The following MYO16 variants were observed in gnomAD, a reference collection of about 807,000 sequenced individuals.
The protein encoded by MYO16 is myosin XVI, also known as unconventional myosin-XVI.
Under a neutral mutation model 205.3 loss-of-function variants are expected in MYO16, and 94 were observed. The observed-to-expected ratio is 0.46, with a 90% CI of 0.39 to 0.54. The LOEUF (loss-of-function observed/expected upper bound fraction) is 0.54, where lower values mean the gene tolerates loss of function less well. Ranked by LOEUF, MYO16 falls within the 20% of genes least tolerant of loss-of-function variation. The probability of loss-of-function intolerance (pLI) is 0.00; values close to 1 mark genes in which losing one functional copy is unlikely to be tolerated. For synonymous variants in MYO16, 988 were observed against 954.0 expected, an observed-to-expected ratio of 1.04 and a Z score of -0.66; for missense variants, 2,315 against 2,387.5, an observed-to-expected ratio of 0.97 and a Z score of 0.63.
chr13:108,999,090 T>A (rs1185624174), intron 21 of MYO16, among the ~76,000 whole-genome samples: 1 of 152,198 alleles, frequency 6.6e-6, no homozygotes, highest in Non-Finnish European at 1.5e-5. Context: ...GGAAAAGGAC[T>A]GGGGATGTTT....
intron 15 of MYO16, among the ~76,000 whole-genome samples, chr13:108,906,603 C>G (rs765209887): frequency 6.6e-6 from 1 of 152,242 alleles, no homozygotes; most frequent in Admixed American, 6.5e-5. Context: ...GAGCAGCATC[C>G]TTTATTGCAA....
intron 1 of MYO16, among the ~76,000 whole-genome samples, chr13:108,652,568 G>C (rs79002059): frequency 0.059 from 8,952 of 152,102 alleles, 614 homozygotes; most frequent in East Asian, 0.18. Context: ...CTCTCATCTT[G>C]CCTCAGTCCC....
rs1250297999 is a variant in MYO16, at chr13:108,866,213, T to C, written c.1396T>C (p.Tyr466His). 1.2e-6 allele frequency: 2 copies of C among 1,603,664 alleles called. No individual in the cohort carries two copies. Among genetic ancestry groups the C allele is most frequent in the African/African-American group, 1.3e-5 (1 of 74,764 alleles). ...IGDILLLVNPYKELPIYSSMV... is the reference protein window; with the variant it reads ...IGDILLLVNPHKELPIYSSMV... ...AGACATTCTTTTGCTTGTTAACCCA[T>C]ACAAGGAGCTTCCAATTTATTCTTC... Residue 466 changes from tyrosine (Y) to histidine (H), a missense_variant, in exon 12 of 35, where the codon TAC (tyrosine) becomes CAC (histidine). Tyr to His is a moderately conservative substitution (Grantham distance 83). Coordinates refer to ENST00000457511, the MANE Select transcript of MYO16 (RefSeq NM_001198950.3).
chr13:109,193,325 C>G (rs1382866774), intron 34 of MYO16, among the ~76,000 whole-genome samples: 1 of 152,134 alleles, frequency 6.6e-6, no homozygotes, highest in Admixed American at 6.5e-5. Context: ...ATTAATGATA[C>G]AGAAGTGCCT....
the MYO16 span, among the ~76,000 whole-genome samples, chr13:108,509,497 T>C: frequency 1.3e-5 from 2 of 152,144 alleles, no homozygotes; most frequent in Admixed American, 6.5e-5. Flanking sequence ...TATGAGAATA[T>C]ACAAGTTAGC....
intron 2 of MYO16, among the ~76,000 whole-genome samples, chr13:108,673,977 C>T (rs1594197940): frequency 1.3e-5 from 2 of 152,288 alleles, no homozygotes; most frequent in South Asian, 2.1e-4. Context: ...TTTACCTCTT[C>T]TGAATAATCT....
chr13:108,785,309 A>G (rs1886423943), intron 4 of MYO16, among the ~76,000 whole-genome samples: 1 of 152,108 alleles, frequency 6.6e-6, no homozygotes, highest in South Asian at 2.1e-4. Flanking sequence ...ATTAGAAACA[A>G]GACAGGATAT....
chr13:108,690,459 A>G lies in MYO16; in HGVS notation c.293-22202A>G, dbSNP rs374194623. Among the ~76,000 whole-genome samples, 49 of 151,580 alleles carry G rather than the reference A, an allele frequency of 3.2e-4. No homozygotes were observed. The East Asian group carries it at 7.9e-3, about 24-fold the overall frequency. On this transcript the variant is annotated intron_variant, in intron 2 of 34. Coordinates refer to ENST00000457511, the MANE Select transcript of MYO16 (RefSeq NM_001198950.3). ...CTTTGGAGCAGAAACATTGGGAACA[A>G]CATTTTCTGTCATGCTATGGCCTTA...
upstream of MYO16, among the ~76,000 whole-genome samples, chr13:108,594,395 G>T (rs1193300654): frequency 6.6e-6 from 1 of 150,956 alleles, no homozygotes; most frequent in Non-Finnish European, 1.5e-5. Context: ...CCTGCAGGTC[G>T]CAGGTCGTGG....
intron 7 of MYO16, among the ~76,000 whole-genome samples, chr13:108,816,666 GCATCATGTAATTCC>G: frequency 6.6e-6 from 1 of 152,266 alleles, no homozygotes; most frequent in East Asian, 1.9e-4. Context: ...CCAGCTTCCT[GCATCATGTAATTCC>G]CGCCTCAAGG....
chr13:109,193,793 T>TA (rs1289192230), intron 34 of MYO16, among the ~76,000 whole-genome samples: 7 of 152,166 alleles, frequency 4.6e-5, no homozygotes, highest in Admixed American at 1.3e-4. Flanking sequence ...ACTCTATTGT[T>TA]ACTCCAAAGC....
In MYO16 at chr13:109,048,401, G is replaced by A. The variant is rs751554242; in HGVS notation, c.2872+1410G>A. 29 of 709,204 alleles carry A rather than the reference G, an allele frequency of 4.1e-5. 1 individual carries two copies. The South Asian group carries it at 4.6e-4, about 11-fold the overall frequency. The allele number at this position is 709,204 out of a possible 1,614,324, so 43.9% of individuals were successfully genotyped here. A position where few individuals can be genotyped will look rare whatever the true frequency, so the allele number is the denominator to read the frequency against. ...TGTACCCTTTTGTATTTATACAGGA[G>A]GTGTCAGATTTTTTTTTTTGTAAAG... is the stretch of plus-strand genomic sequence containing the variant. On this transcript the variant is annotated intron_variant, in intron 24 of 34. Coordinates refer to ENST00000457511, the MANE Select transcript of MYO16 (RefSeq NM_001198950.3).
At chr13:109,172,890 A>G (rs79526242) in intron 33 of MYO16, among the ~76,000 whole-genome samples, 1,952 of 152,326 alleles carry the variant, frequency 0.013, 41 homozygotes, top group African/African-American at 0.044. Context: ...CTGTAATAGT[A>G]GATCAGTGCT....
intron 4 of MYO16, among the ~76,000 whole-genome samples, chr13:108,759,467 C>G (rs868548409): frequency 3.8e-4 from 58 of 152,218 alleles, no homozygotes; most frequent in African/African-American, 1.4e-3. Context: ...TTCCTATCTT[C>G]TTTGAGATAG....
At chr13:108,667,559 A>T (rs1213466430) in intron 2 of MYO16, among the ~76,000 whole-genome samples, 2 of 152,108 alleles carry the variant, frequency 1.3e-5, no homozygotes, top group Non-Finnish European at 2.9e-5. Context: ...CTGTGAGCAC[A>T]TCGAAGGTAG....
chr13:109,048,232 GCTTAT>G, intron 24 of MYO16: 1 of 568,818 alleles, frequency 1.8e-6, no homozygotes, highest in Non-Finnish European at 3.2e-6. Context: ...TGGCTAGTCT[GCTTAT>G]CTTAATAGAG....
chr13:108,559,888 C>A, the MYO16 span, among the ~76,000 whole-genome samples: 2 of 152,082 alleles, frequency 1.3e-5, no homozygotes, highest in Non-Finnish European at 2.9e-5. Context: ...ACCTAGAAAT[C>A]AAAAGCTTTA....
intron 16 of MYO16, among the ~76,000 whole-genome samples, chr13:108,921,577 T>G (rs1260397732): frequency 6.6e-6 from 1 of 152,212 alleles, no homozygotes. Flanking sequence ...TTGATATACA[T>G]CAATAGCTGT....
chr13:108,589,374 T>C, the MYO16 span, among the ~76,000 whole-genome samples: 7 of 152,200 alleles, frequency 4.6e-5, no homozygotes, highest in African/African-American at 1.7e-4. Context: ...CATTTCCCAG[T>C]ATAGCCCTTG....
Sources: gnomAD v4.1 joint callset for allele counts (sites outside exome capture counted in the v4.1 genomes callset) on GRCh38, gnomAD v4.1.1 for gene constraint, MANE v1.5 for transcripts, NCBI Gene and HGNC (gene_info 2026-07-23, HGNC 2026-07-21) for gene names.